Variants in SNTG1 observed in about 807,000 individuals in gnomAD.
SNTG1 encodes gamma-1-syntrophin.
A neutral mutation model predicts 74.7 loss-of-function variants in SNTG1; 39 were observed. The ratio of observed to expected loss-of-function variants is 0.52; its 90% confidence interval spans 0.40 to 0.68. SNTG1 has a LOEUF of 0.68. Ranked by LOEUF, SNTG1 falls within the 30% of genes least tolerant of loss-of-function variation. SNTG1 has a pLI of 0.00. For missense variants in SNTG1, 685 were observed against 609.5 expected (o/e 1.12, Z -1.30); for synonymous variants, 254 against 217.1 (o/e 1.17, Z -1.49).
intron 2 of SNTG1, among the ~76,000 whole-genome samples, chr8:50,219,910 T>C (rs2084976542): frequency 6.6e-6 from 1 of 152,190 alleles, no homozygotes; most frequent in South Asian, 2.1e-4. Context: ...AAACAGACTT[T>C]AAGACCAAAA....
intron 1 of SNTG1, among the ~76,000 whole-genome samples, chr8:50,083,936 T>A (rs1157686085): frequency 6.6e-6 from 1 of 152,234 alleles, no homozygotes; most frequent in African/African-American, 2.4e-5. Context: ...CTGCAATTTC[T>A]AGGAAAACCA....
At chr8:50,777,991 T>C (rs1292442941) in intron 18 of SNTG1, among the ~76,000 whole-genome samples, 3 of 152,118 alleles carry the variant, frequency 2.0e-5, no homozygotes, top group African/African-American at 7.2e-5. Flanking sequence ...CTGAGAATGA[T>C]GATTTCCAAT....
chr8:50,728,741 A>G (rs1442053647), intron 17 of SNTG1, among the ~76,000 whole-genome samples: 1 of 152,168 alleles, frequency 6.6e-6, no homozygotes, highest in African/African-American at 2.4e-5. Flanking sequence ...AAATCTCTGA[A>G]GTATTAGGAG....
At chr8:50,032,872 T>C (rs1290207300) in intron 1 of SNTG1, among the ~76,000 whole-genome samples, 1 of 152,130 alleles carries the variant, frequency 6.6e-6, no homozygotes, top group Non-Finnish European at 1.5e-5. Flanking sequence ...TAATCAAATT[T>C]TTTATCCTGG....
At chr8:50,201,399 C>G (rs1413791489) in intron 2 of SNTG1, among the ~76,000 whole-genome samples, 1 of 152,142 alleles carries the variant, frequency 6.6e-6, no homozygotes, top group Non-Finnish European at 1.5e-5. Flanking sequence ...ACATTCCACA[C>G]AAAGTTTTCT....
At chr8:50,672,725 A>G (rs1003055155) in intron 15 of SNTG1, among the ~76,000 whole-genome samples, 1 of 151,898 alleles carries the variant, frequency 6.6e-6, no homozygotes. Context: ...CTTTTGTTGC[A>G]ATTGCTTTTT....
intron 2 of SNTG1, among the ~76,000 whole-genome samples, chr8:50,284,079 T>A (rs28393257): frequency 0.069 from 10,516 of 152,128 alleles, 840 homozygotes; most frequent in African/African-American, 0.18. Flanking sequence ...TTTATTCATC[T>A]TGTCTGTAAC....
intron 18 of SNTG1, among the ~76,000 whole-genome samples, chr8:50,766,322 A>G (rs986714540): frequency 1.3e-5 from 2 of 152,040 alleles, no homozygotes; most frequent in African/African-American, 4.8e-5. Context: ...AAGTACTGTT[A>G]CTAAGATGGT....
intron 1 of SNTG1, among the ~76,000 whole-genome samples, chr8:50,138,448 T>C (rs553944760): frequency 4.0e-4 from 61 of 151,374 alleles, no homozygotes; most frequent in African/African-American, 1.4e-3. Context: ...TGAAACTCCA[T>C]CTCTACTAAT....
rs67860057 is a variant in SNTG1 at position 50,668,495 on chromosome 8, CATTATTATTATT to C, written c.1038+9863_1038+9874del. 4.5e-3 allele frequency among the ~76,000 whole-genome samples: 655 copies of C among 145,284 alleles called. 5 individuals carry two copies. The highest frequency in any genetic ancestry group is 0.025 in the East Asian group (124 of 4,912). ...ATACCTATGTTCTTCATCTTTCGCA[CATTATTATTATT>C]ATTATTATTATTATTATTATTATTA... On this transcript the variant is annotated intron_variant, in intron 15 of 18. Coordinates refer to ENST00000642720, the MANE Select transcript of SNTG1 (RefSeq NM_018967.5).
At chr8:50,380,347 G>A (rs1433994828) in intron 2 of SNTG1, among the ~76,000 whole-genome samples, 1 of 152,178 alleles carries the variant, frequency 6.6e-6, no homozygotes, top group African/African-American at 2.4e-5. Context: ...AGATGTGAAT[G>A]TGTGTGGAGA....
intron 13 of SNTG1, among the ~76,000 whole-genome samples, chr8:50,619,766 C>T (rs1270934993): frequency 1.3e-5 from 2 of 150,224 alleles, no homozygotes; most frequent in Non-Finnish European, 3.0e-5. Flanking sequence ...ATACATGGTT[C>T]CCAGGAATCA....
At chr8:50,448,911 C>G (rs1284350949) in intron 5 of SNTG1, among the ~76,000 whole-genome samples, 1 of 151,978 alleles carries the variant, frequency 6.6e-6, no homozygotes, top group Non-Finnish European at 1.5e-5. Context: ...ACCTGTAGTC[C>G]CAGCTACTCG....
chr8:50,026,881 A>G (rs1253841242), intron 1 of SNTG1, among the ~76,000 whole-genome samples: 2 of 152,186 alleles, frequency 1.3e-5, no homozygotes, highest in Non-Finnish European at 2.9e-5. Context: ...GTAAAAGAAC[A>G]ATTAAACATG....
At chr8:50,130,762 T>C (rs2081290835) in intron 1 of SNTG1, among the ~76,000 whole-genome samples, 1 of 152,058 alleles carries the variant, frequency 6.6e-6, no homozygotes, top group African/African-American at 2.4e-5. Flanking sequence ...AGCAAAAAAT[T>C]ATTAAACATT....
At chr8:50,447,722 T>G (rs1334638762) in intron 5 of SNTG1, among the ~76,000 whole-genome samples, 4 of 152,072 alleles carry the variant, frequency 2.6e-5, no homozygotes, top group African/African-American at 9.7e-5. Context: ...TGCATTTTAG[T>G]TAGGAATGGG....
Position 50,438,524 on chromosome 8 carries a change from T to TA in SNTG1, c.163-14dup, listed in dbSNP as rs2093327829. 1 of 1,610,790 alleles carries TA rather than the reference T, an allele frequency of 6.2e-7. No homozygotes were observed. The highest frequency in any genetic ancestry group is 2.2e-5 in the East Asian group (1 of 44,716). ...AGTATTAGGAAACACTAACCATTCT[T>TA]AAAAATCCTGTCTTTCAGGAAAGAA... On this transcript the variant is annotated intron_variant, in intron 4 of 18. Transcript: ENST00000642720.
rs950408084 is a variant in SNTG1 at position 50,053,049 on chromosome 8, C to A, written c.-102-119512C>A. ...AGAGTTCTCATGTGACCCAGTAACT[C>A]CACTGCCATGATAAATGAAACCACG... On this transcript the variant is annotated intron_variant, in intron 1 of 18. Coordinates refer to ENST00000642720, the MANE Select transcript of SNTG1 (RefSeq NM_018967.5). Among the ~76,000 whole-genome samples, 8 of 152,206 alleles carry A rather than the reference C, an allele frequency of 5.3e-5. 2 individuals carry two copies. The South Asian group carries it at 1.5e-3, about 28-fold the overall frequency.
chr8:50,186,801 G>A (rs1458535325), intron 2 of SNTG1, among the ~76,000 whole-genome samples: 1 of 151,938 alleles, frequency 6.6e-6, no homozygotes, highest in Non-Finnish European at 1.5e-5. Flanking sequence ...TTTGTCAGAT[G>A]GGTAGATTGC....
Sources: allele counts gnomAD v4.1 joint callset (sites outside exome capture counted in the v4.1 genomes callset), GRCh38; gene constraint gnomAD v4.1.1; transcripts MANE v1.5; gene names NCBI Gene and HGNC (gene_info 2026-07-23, HGNC 2026-07-21).